The following VWA8 variants were observed in gnomAD, a reference collection of about 807,000 sequenced individuals.
VWA8 encodes the protein von Willebrand factor A domain-containing protein 8.
A neutral mutation model predicts 241.5 loss-of-function variants in VWA8; 221 were observed. That is an observed-to-expected ratio of 0.91 (90% CI 0.82 to 1.02). VWA8 has a LOEUF of 1.02. VWA8 is among the 50% of genes least tolerant of loss of function. The pLI, the probability that VWA8 is intolerant of heterozygous loss-of-function variation, is 0.00. For missense variants in VWA8, 2,322 were observed against 2,328.7 expected, an observed-to-expected ratio of 1.00 and a Z score of 0.06; for synonymous variants, 852 against 827.1, an observed-to-expected ratio of 1.03 and a Z score of -0.52.
chr13:41,953,494 T>C (rs1270113133), intron 1 of VWA8, among the ~76,000 whole-genome samples: 1 of 152,164 alleles, frequency 6.6e-6, no homozygotes. Flanking sequence ...GGCTGGACCA[T>C]AAAGCAAGTC....
chr13:41,887,163 G>C, intron 6 of VWA8, 34 bp downstream of exon 6: 1 of 1,587,290 alleles, frequency 6.3e-7, no homozygotes, highest in African/African-American at 1.4e-5. Flanking sequence ...TAGAAAAACT[G>C]TTTAACAAAT....
At chr13:41,718,976 T>C (rs2045364482) in intron 26 of VWA8, among the ~76,000 whole-genome samples, 1 of 151,932 alleles carries the variant, frequency 6.6e-6, no homozygotes, top group South Asian at 2.1e-4. Context: ...ATTACTCTAC[T>C]AAAAAACTCT....
At chr13:41,947,931 C>CAT (rs1877929029) in intron 2 of VWA8, among the ~76,000 whole-genome samples, 1 of 20,572 alleles carries the variant, frequency 4.9e-5, no homozygotes, top group African/African-American at 1.2e-4. Flanking sequence ...GACCCTGTCT[C>CAT]AAAAAAAAAA....
chr13:41,598,222 A>G (rs1267705944), intron 40 of VWA8, among the ~76,000 whole-genome samples: 1 of 152,108 alleles, frequency 6.6e-6, no homozygotes, highest in East Asian at 1.9e-4. Flanking sequence ...TGCCTCTCCC[A>G]TATGTAACAT....
intron 21 of VWA8, among the ~76,000 whole-genome samples, chr13:41,745,883 A>T (rs1012748079): frequency 4.6e-5 from 7 of 152,122 alleles, no homozygotes; most frequent in African/African-American, 7.2e-5. Flanking sequence ...CTAAATTTTT[A>T]AAAAATCCCT....
At chr13:41,711,225 T>C (rs1230923275) in intron 26 of VWA8, among the ~76,000 whole-genome samples, 2 of 152,210 alleles carry the variant, frequency 1.3e-5, no homozygotes, top group Admixed American at 6.5e-5. Flanking sequence ...GCTTCCCTAT[T>C]CAATTAGGGA....
intron 2 of VWA8, among the ~76,000 whole-genome samples, chr13:41,913,380 G>A (rs1361419049): frequency 6.6e-6 from 1 of 152,134 alleles, no homozygotes; most frequent in African/African-American, 2.4e-5. Context: ...GGGTTACAGT[G>A]TTTATTATGT....
rs1194938989 is a variant in VWA8 at position 41,833,442 on chromosome 13, A to C, written c.1515T>G (p.Ala505=). The C allele has an allele frequency of 6.2e-7, 1 of 1,614,024 alleles. No homozygotes were observed. Among genetic ancestry groups the C allele is most frequent in the East Asian group, 2.2e-5 (1 of 44,864 alleles). Residue 505 remains alanine, a synonymous_variant, in exon 13 of 45, where the codon GCT becomes GCG. Transcript: ENST00000379310. ...CCAGCAGGACCAGCTTGCCTTCCAG[A>C]GCAGCATTCACAAGGGGTGAGGACC... The part of the protein sequence containing the change: ...AWRSSPLVNA[A]LEGKLVLLDG...
At chr13:41,895,503 A>G (rs1281484891) in intron 4 of VWA8, among the ~76,000 whole-genome samples, 1 of 152,182 alleles carries the variant, frequency 6.6e-6, no homozygotes, top group Non-Finnish European at 1.5e-5. Flanking sequence ...ACTCAGTTCA[A>G]CATAGAGCAT....
chr13:41,702,814 G>A (rs1405753855), intron 27 of VWA8, among the ~76,000 whole-genome samples: 2 of 152,186 alleles, frequency 1.3e-5, no homozygotes, highest in African/African-American at 2.4e-5. Flanking sequence ...GAAATTACAA[G>A]TCCAGTGTTG....
chr13:41,830,490 A>G, intron 14 of VWA8, 39 bp downstream of exon 14: 3 of 1,476,266 alleles, frequency 2.0e-6, no homozygotes, highest in Non-Finnish European at 1.9e-6. Flanking sequence ...TTTTAACTTA[A>G]CAATAAATTA....
At chr13:41,947,100 C>T (rs1448557525) in intron 2 of VWA8, among the ~76,000 whole-genome samples, 2 of 152,210 alleles carry the variant, frequency 1.3e-5, no homozygotes, top group Non-Finnish European at 2.9e-5. Flanking sequence ...CCACACTGTT[C>T]CTTGGCTATA....
At chr13:41,908,706 T>C (rs1388336803) in intron 3 of VWA8, among the ~76,000 whole-genome samples, 1 of 152,204 alleles carries the variant, frequency 6.6e-6, no homozygotes, top group African/African-American at 2.4e-5. Flanking sequence ...TTCAAGATAA[T>C]TTATCCATCC....
intron 9 of VWA8, among the ~76,000 whole-genome samples, chr13:41,873,848 T>C (rs1351034153): frequency 6.6e-6 from 1 of 152,144 alleles, no homozygotes; most frequent in Non-Finnish European, 1.5e-5. Context: ...GCCAGCACCA[T>C]CCTGATACCA....
In VWA8 at chr13:41,568,108, A is replaced by G; in HGVS notation, c.*89T>C. The G allele has an allele frequency of 9.0e-7, 1 of 1,116,608 alleles. No homozygotes were observed. The highest frequency in any genetic ancestry group is 1.3e-6 in the Non-Finnish European group (1 of 745,958). The allele number at this position is 1,116,608 out of a possible 1,614,324, so 69.2% of individuals were successfully genotyped here. On this transcript the variant is annotated 3_prime_UTR_variant, in exon 45 of 45. Coordinates refer to ENST00000379310, the MANE Select transcript of VWA8 (RefSeq NM_015058.2). ...AATCATCCAGTCACTGCATGGGTTC[A>G]CTTCATCCATATCTTCTTTTTTTCA... is the stretch of plus-strand genomic sequence containing the variant.
intron 26 of VWA8, among the ~76,000 whole-genome samples, chr13:41,711,754 G>C (rs1201682283): frequency 1.3e-5 from 2 of 151,948 alleles, no homozygotes; most frequent in African/African-American, 4.8e-5. Flanking sequence ...GGTGCCTATA[G>C]TCCCAGCTAC....
chr13:41,635,622 A>T (rs552689573), intron 37 of VWA8, among the ~76,000 whole-genome samples: 1 of 152,202 alleles, frequency 6.6e-6, no homozygotes, highest in East Asian at 1.9e-4. Flanking sequence ...CACTTCATGG[A>T]GTTTTCAGCC....
chr13:41,912,457 C>A (rs1358416045), intron 2 of VWA8, among the ~76,000 whole-genome samples: 2 of 152,098 alleles, frequency 1.3e-5, no homozygotes, highest in Non-Finnish European at 2.9e-5. Flanking sequence ...ATATTCCTTA[C>A]TTGAAAGCTT....
chr13:41,956,081 CAAAG>C (rs1878339827), intron 1 of VWA8, among the ~76,000 whole-genome samples: 1 of 152,128 alleles, frequency 6.6e-6, no homozygotes, highest in Non-Finnish European at 1.5e-5. Context: ...GTAGCTTTGA[CAAAG>C]AAGTTGGTTT....
Sources: gnomAD v4.1 joint callset for allele counts (sites outside exome capture counted in the v4.1 genomes callset) on GRCh38, gnomAD v4.1.1 for gene constraint, MANE v1.5 for transcripts, NCBI Gene and HGNC (gene_info 2026-07-23, HGNC 2026-07-21) for gene names.